The following LRP1B variants were observed in gnomAD, a reference collection of about 807,000 sequenced individuals.
The protein encoded by LRP1B is low-density lipoprotein receptor-related protein 1B.
LRP1B carries 217 observed loss-of-function variants against 556.6 expected under a neutral mutation model. That is an observed-to-expected ratio of 0.39 (90% confidence interval 0.35 to 0.44). LRP1B has a LOEUF of 0.44. Among genes scored for constraint, LRP1B ranks in the 20% least tolerant of loss-of-function variants. LRP1B has a pLI of 1.00. For synonymous variants in LRP1B, 2,047 were observed against 1,865.8 expected, an observed-to-expected ratio of 1.10 and a Z score of -2.50; for missense variants, 5,053 against 5,620.8, an observed-to-expected ratio of 0.90 and a Z score of 3.23.
chr2:141,814,891 A>T (rs1194290646), intron 1 of LRP1B, among the ~76,000 whole-genome samples: 1 of 152,104 alleles, frequency 6.6e-6, no homozygotes, highest in African/African-American at 2.4e-5. Flanking sequence ...GGAAGAGGCA[A>T]AGAGGTAAGA....
chr2:141,834,106 G>A (rs1482292836), intron 1 of LRP1B, among the ~76,000 whole-genome samples: 1 of 151,878 alleles, frequency 6.6e-6, no homozygotes, highest in East Asian at 1.9e-4. Context: ...CAAAACTGAG[G>A]ATGGACACTG....
At chr2:140,972,433 A>C (rs571038282) in intron 18 of LRP1B, among the ~76,000 whole-genome samples, 1 of 152,054 alleles carries the variant, frequency 6.6e-6, no homozygotes, top group Non-Finnish European at 1.5e-5. Context: ...GAAAATTAAA[A>C]CTCCAAACCA....
intron 7 of LRP1B, among the ~76,000 whole-genome samples, chr2:141,131,883 T>C (rs1701367887): frequency 6.6e-6 from 1 of 151,932 alleles, no homozygotes; most frequent in East Asian, 1.9e-4. Context: ...TGTTATTTGG[T>C]TACATGAGTA....
At chr2:140,356,513 C>T (rs1234188212) in intron 74 of LRP1B, 37 bp from the exon 75 acceptor site, 1 of 1,464,884 alleles carries the variant, frequency 6.8e-7, no homozygotes, top group African/African-American at 1.4e-5. Context: ...TAATATAATT[C>T]TAATTCCTGA....
At chr2:140,316,664 C>G (rs1239260831) in intron 82 of LRP1B, among the ~76,000 whole-genome samples, 1 of 152,090 alleles carries the variant, frequency 6.6e-6, no homozygotes, top group Non-Finnish European at 1.5e-5. Context: ...TCAGTTACTT[C>G]ACTTTAAAAT....
chr2:140,269,590 T>C (rs7581796), intron 86 of LRP1B, among the ~76,000 whole-genome samples: 64,400 of 151,806 alleles, frequency 0.42, 14,854 homozygotes, highest in African/African-American at 0.6. Context: ...CATCATCCTT[T>C]TGGTCAAACA....
intron 7 of LRP1B, chr2:141,167,471 A>G (rs1270282665): frequency 6.6e-6 from 1 of 151,836 alleles, no homozygotes; most frequent in Non-Finnish European, 1.5e-5. Context: ...CACATAATAA[A>G]TAATAACAAA....
At chr2:141,339,411 T>C (rs960491411) in intron 3 of LRP1B, among the ~76,000 whole-genome samples, 3 of 152,120 alleles carry the variant, frequency 2.0e-5, no homozygotes, top group Non-Finnish European at 2.9e-5. Context: ...CTTGAGACAA[T>C]TTTAGGCTTT....
intron 1 of LRP1B, among the ~76,000 whole-genome samples, chr2:142,092,896 T>A (rs1388620794): frequency 6.6e-6 from 1 of 152,120 alleles, no homozygotes; most frequent in Non-Finnish European, 1.5e-5. Context: ...TTTTCCACGT[T>A]TTTCTTCAAA....
intron 1 of LRP1B, among the ~76,000 whole-genome samples, chr2:142,123,269 C>G (rs1707521001): frequency 6.6e-6 from 1 of 151,830 alleles, no homozygotes; most frequent in African/African-American, 2.4e-5. Flanking sequence ...GCTAAGATGA[C>G]AAATCGTCAT....
intron 1 of LRP1B, among the ~76,000 whole-genome samples, chr2:141,844,076 G>A (rs1257217123): frequency 6.6e-6 from 1 of 152,020 alleles, no homozygotes; most frequent in African/African-American, 2.4e-5. Context: ...ACTGGAACTA[G>A]GAAGAAAAGA....
intron 4 of LRP1B, among the ~76,000 whole-genome samples, chr2:141,251,176 T>C (rs1289138213): frequency 6.6e-6 from 1 of 152,126 alleles, no homozygotes; most frequent in Non-Finnish European, 1.5e-5. Flanking sequence ...GTCAAGATCA[T>C]AAAGAATATA....
At chr2:140,826,122 C>A (rs1346700567) in intron 31 of LRP1B, among the ~76,000 whole-genome samples, 2 of 152,186 alleles carry the variant, frequency 1.3e-5, no homozygotes, top group Non-Finnish European at 2.9e-5. Flanking sequence ...TCAAGCATGT[C>A]TTTAGTGATA....
Position 141,879,070 on chromosome 2 carries a change from C to A in LRP1B, c.83-68669G>T, listed in dbSNP as rs191235793. On this transcript the variant is annotated intron_variant, in intron 1 of 90. Transcript: ENST00000389484. Reference sequence around the variant, plus strand: ...TATAAAAGAATTCTAAAGACACATTCAGTTCTTTCAATATAATTATGATAA... The same window carrying A: ...TATAAAAGAATTCTAAAGACACATTAAGTTCTTTCAATATAATTATGATAA... Among the ~76,000 whole-genome samples, 95 of 151,916 alleles carry A rather than the reference C, an allele frequency of 6.3e-4. 1 individual carries two copies. Among genetic ancestry groups the A allele is most frequent in the African/African-American group, 2.2e-3 (92 of 41,480 alleles).
At chr2:140,588,691 T>C (rs1302275413) in intron 43 of LRP1B, among the ~76,000 whole-genome samples, 2 of 151,766 alleles carry the variant, frequency 1.3e-5, no homozygotes, top group South Asian at 2.1e-4. Flanking sequence ...TCCAGCTGGG[T>C]GCATTGGCTC....
intron 1 of LRP1B, among the ~76,000 whole-genome samples, chr2:142,027,673 AACACACACAC>A (rs3041444): frequency 6.8e-6 from 1 of 146,754 alleles, no homozygotes; most frequent in Non-Finnish European, 1.5e-5. Flanking sequence ...AAAAGATTAA[AACACACACAC>A]ACACACACAC....
At chr2:140,706,109 A>G (rs1686827765) in intron 37 of LRP1B, among the ~76,000 whole-genome samples, 1 of 152,174 alleles carries the variant, frequency 6.6e-6, no homozygotes, top group Non-Finnish European at 1.5e-5. Flanking sequence ...ATTAATGAAC[A>G]TAGATTCTTG....
chr2:141,310,688 A>C (rs1472608626), intron 3 of LRP1B, among the ~76,000 whole-genome samples: 2 of 152,166 alleles, frequency 1.3e-5, no homozygotes, highest in Admixed American at 1.3e-4. Context: ...TAGGCTTTTA[A>C]ATTTCATGAA....
chr2:140,519,129 C>T (rs1193820382), intron 49 of LRP1B, among the ~76,000 whole-genome samples: 2 of 152,082 alleles, frequency 1.3e-5, no homozygotes, highest in African/African-American at 2.4e-5. Flanking sequence ...CCATATGGAA[C>T]CAAAATAGAG....
Sources: gnomAD v4.1 joint callset for allele counts (sites outside exome capture counted in the v4.1 genomes callset) on GRCh38, gnomAD v4.1.1 for gene constraint, MANE v1.5 for transcripts, NCBI Gene and HGNC (gene_info 2026-07-23, HGNC 2026-07-21) for gene names.